The following SNTG1 variants were observed in gnomAD, a reference collection of about 807,000 sequenced individuals.
The protein encoded by SNTG1 is syntrophin gamma 1.
In SNTG1, 39 loss-of-function variants were observed where a neutral mutation model predicts 74.7. The observed-to-expected ratio is 0.52, with a 90% CI of 0.40 to 0.68. The LOEUF (loss-of-function observed/expected upper bound fraction) is 0.68. SNTG1 is among the 30% of genes least tolerant of loss of function. The pLI is 0.00. For missense variants in SNTG1, 685 were observed against 609.5 expected (o/e 1.12, Z -1.30); for synonymous variants, 254 against 217.1 (o/e 1.17, Z -1.49).
At chr8:50,553,950 A>T (rs2130616071) in intron 12 of SNTG1, among the ~76,000 whole-genome samples, 1 of 152,278 alleles carries the variant, frequency 6.6e-6, no homozygotes, top group South Asian at 2.1e-4. Flanking sequence ...CAATTGTTCC[A>T]TGCGATGTTG....
intron 1 of SNTG1, among the ~76,000 whole-genome samples, chr8:50,111,490 A>G (rs1002232698): frequency 1.5e-4 from 23 of 152,140 alleles, no homozygotes; most frequent in African/African-American, 5.6e-4. Flanking sequence ...TCACAGTGAG[A>G]AGGGAGGAAG....
At chr8:50,441,454 C>T (rs532395547) in intron 5 of SNTG1, among the ~76,000 whole-genome samples, 2 of 152,130 alleles carry the variant, frequency 1.3e-5, no homozygotes, top group East Asian at 3.9e-4. Context: ...TTTAACTCTT[C>T]CCTTGATGTA....
intron 2 of SNTG1, among the ~76,000 whole-genome samples, chr8:50,313,047 T>C (rs1267798691): frequency 6.7e-6 from 1 of 149,554 alleles, no homozygotes; most frequent in Non-Finnish European, 1.5e-5. Flanking sequence ...TTCACAAAAA[T>C]AGAGCACACA....
chr8:50,320,376 TTTTA>T (rs1252725584), intron 2 of SNTG1, among the ~76,000 whole-genome samples: 6 of 152,146 alleles, frequency 3.9e-5, no homozygotes, highest in Admixed American at 2.6e-4. Context: ...TCATCTGTGA[TTTTA>T]TTTATTTGGA....
chr8:50,221,640 G>A (rs542041059), intron 2 of SNTG1, among the ~76,000 whole-genome samples: 2 of 152,060 alleles, frequency 1.3e-5, no homozygotes, highest in South Asian at 2.1e-4. Context: ...CAGTATATCC[G>A]TGTATGCTGT....
chr8:50,568,030 C>A (rs1158230350), intron 12 of SNTG1, among the ~76,000 whole-genome samples: 2 of 151,958 alleles, frequency 1.3e-5, no homozygotes, highest in Admixed American at 6.6e-5. Flanking sequence ...TTCTGGTAAC[C>A]AATAACCAAT....
intron 2 of SNTG1, among the ~76,000 whole-genome samples, chr8:50,388,726 C>A (rs748182965): frequency 2.0e-5 from 3 of 152,194 alleles, no homozygotes; most frequent in Non-Finnish European, 4.4e-5. Context: ...GCTTCTGAGG[C>A]TGTTCAACTT....
In SNTG1 at chr8:50,536,799, A is replaced by G. The variant is rs764546252; in HGVS notation, c.671A>G (p.Asp224Gly). 6.2e-7 allele frequency: 1 copy of G among 1,613,928 alleles called. No individual in the cohort carries two copies. Among genetic ancestry groups the G allele is most frequent in the Admixed American group, 1.7e-5 (1 of 60,018 alleles). The stretch of plus-strand genomic sequence containing the variant: ...TTCTCTCAGTATGTGCCCGGCACAG[A>G]TTTGAGTCGGTGAGTCCGTGTTTAG... ...SRFSQYVPGT[D>G]LSRQNAFQVI... Residue 224 changes from aspartate (D) to glycine (G), a missense_variant, in exon 11 of 19, where the codon GAT becomes GGT. By Grantham distance (94) the Asp-to-Gly change is moderately conservative. Coordinates refer to ENST00000642720, the MANE Select transcript of SNTG1 (RefSeq NM_018967.5).
intron 4 of SNTG1, among the ~76,000 whole-genome samples, chr8:50,424,784 A>G (rs969598796): frequency 1.3e-5 from 2 of 152,188 alleles, no homozygotes; most frequent in African/African-American, 4.8e-5. Flanking sequence ...CATGACAGAC[A>G]AGTATATAGA....
At chr8:50,600,899 G>T (rs1323199922) in intron 13 of SNTG1, among the ~76,000 whole-genome samples, 1 of 151,504 alleles carries the variant, frequency 6.6e-6, no homozygotes, top group African/African-American at 2.4e-5. Context: ...GCTGGGCACG[G>T]TGGCTCACTC....
At chr8:50,449,569 T>C (rs948102389) in intron 5 of SNTG1, 99 bp from the exon 6 acceptor site, 6 of 779,628 alleles carry the variant, frequency 7.7e-6, no homozygotes, top group Non-Finnish European at 9.1e-6. Flanking sequence ...TTCTGCCTAA[T>C]ATCCACTTAA....
At chr8:50,774,891 T>G (rs1176987570) in intron 18 of SNTG1, among the ~76,000 whole-genome samples, 3 of 151,280 alleles carry the variant, frequency 2.0e-5, no homozygotes, top group African/African-American at 7.3e-5. Flanking sequence ...TAGAATGTTT[T>G]AAAATATTAT....
chr8:50,307,185 G>C (rs1403216771), intron 2 of SNTG1, among the ~76,000 whole-genome samples: 1 of 151,958 alleles, frequency 6.6e-6, no homozygotes. Context: ...GACGACCAAG[G>C]TGTCAATCTC....
At chr8:50,678,389 C>A (rs1448248652) in intron 15 of SNTG1, among the ~76,000 whole-genome samples, 2 of 152,046 alleles carry the variant, frequency 1.3e-5, no homozygotes, top group Non-Finnish European at 1.5e-5. Flanking sequence ...AAGCACCCAA[C>A]TTTTCTGGAC....
At chr8:50,393,830 T>C (rs9298318) in intron 2 of SNTG1, among the ~76,000 whole-genome samples, 140,470 of 152,180 alleles carry the variant, frequency 0.92, 65,421 homozygotes, top group Non-Finnish European at 1. Flanking sequence ...GAAAGGCAAC[T>C]TTTAATTGCT....
intron 2 of SNTG1, among the ~76,000 whole-genome samples, chr8:50,383,213 A>G (rs1368391777): frequency 2.6e-5 from 4 of 152,204 alleles, no homozygotes; most frequent in Admixed American, 6.5e-5. Context: ...AATAAAAACC[A>G]TCACAAAGTC....
rs2079850414 is a variant in SNTG1, at chr8:50,094,331, A to C, written c.-102-78230A>C. Reference sequence around the variant, plus strand: ...CAAATAAGCAAATTTACTGTTTATAAATTTAGTAATGTATGCAAAGGGCTT... The same window carrying C: ...CAAATAAGCAAATTTACTGTTTATACATTTAGTAATGTATGCAAAGGGCTT... On this transcript the variant is annotated intron_variant, in intron 1 of 18. Coordinates refer to ENST00000642720, the MANE Select transcript of SNTG1 (RefSeq NM_018967.5). 2.6e-5 allele frequency among the ~76,000 whole-genome samples: 4 copies of C among 152,156 alleles called. No individual in the cohort carries two copies. The South Asian group carries it at 6.2e-4, about 24-fold the overall frequency.
intron 18 of SNTG1, among the ~76,000 whole-genome samples, chr8:50,780,166 T>C (rs1157162565): frequency 6.6e-6 from 1 of 152,162 alleles, no homozygotes. Context: ...AAAATTCTCT[T>C]TTTTGGTTAT....
intron 13 of SNTG1, among the ~76,000 whole-genome samples, chr8:50,625,412 T>A (rs2094949989): frequency 1.3e-5 from 2 of 152,216 alleles, no homozygotes; most frequent in African/African-American, 2.4e-5. Flanking sequence ...TATGTCAAGA[T>A]GAAGTCATGG....
Sources: gnomAD v4.1 joint callset for allele counts (sites outside exome capture counted in the v4.1 genomes callset) on GRCh38, gnomAD v4.1.1 for gene constraint, MANE v1.5 for transcripts, NCBI Gene and HGNC (gene_info 2026-07-23, HGNC 2026-07-21) for gene names.